POU6F1: variants seen among roughly 807,000 people sequenced by gnomAD.
POU6F1 encodes POU domain, class 6, transcription factor 1.
Under a neutral mutation model 28.9 loss-of-function variants are expected in POU6F1, and 9 were observed. The ratio of observed to expected loss-of-function variants is 0.31; its 90% CI spans 0.19 to 0.54. The LOEUF is 0.54. Ranked by LOEUF, POU6F1 falls within the 20% of genes least tolerant of loss-of-function variation. The probability of loss-of-function intolerance (pLI) is 0.94; values close to 1 mark genes in which losing one functional copy is unlikely to be tolerated. For synonymous variants in POU6F1, 173 were observed against 171.1 expected, an observed-to-expected ratio of 1.01 and a Z score of -0.09; for missense variants, 338 against 426.1, an observed-to-expected ratio of 0.79 and a Z score of 1.82.
rs979993075 is a variant in POU6F1 at position 51,199,715 on chromosome 12, C to T, written c.366+32G>A. 153 of 399,186 alleles carry T rather than the reference C, an allele frequency of 3.8e-4. No individual in the cohort carries two copies. In the East Asian group the frequency reaches 5.3e-3, roughly 14 times the overall value. 24.7% of individuals were successfully genotyped at this position (399,186 alleles called of 1,614,324 possible). On this transcript the variant is annotated intron_variant, in intron 4 of 10. Transcript: ENST00000333640. This position sits in a 1 kb window ranked among gnomAD's most constrained non-coding sequence, Gnocchi z 4.1. ...TCCCATGCCTCGCTCCTGCCCCCGG[C>T]CTTCTGTCCAGCTCCCGAGGGCAGC... is the stretch of plus-strand genomic sequence containing the variant.
At position 51,198,592 on chromosome 12, in the gene POU6F1, G is replaced by C. The variant is rs1248774348; in HGVS notation, c.550C>G (p.Pro184Ala). 5 of 399,280 alleles carry C rather than the reference G, an allele frequency of 1.3e-5. No homozygotes were observed. Among genetic ancestry groups the C allele is most frequent in the Admixed American group, 4.4e-5 (1 of 22,742 alleles). The allele number at this position is 399,280 out of a possible 1,614,324, so 24.7% of individuals were successfully genotyped here. A position where few individuals can be genotyped will look rare whatever the true frequency, so the allele number is the denominator to read the frequency against. The stretch of plus-strand genomic sequence containing the variant: ...GGTGGCTTGAACACTCCCCCCGTAG[G>C]AGAAGCAGCGGTCAGTCCTGGGAGG... ...AALPGLTAAS[P>A]TGGVFKPPLA... is the part of the protein sequence containing the mutation. The change falls in exon 5 of 11, where the codon CCT (proline) becomes GCT (alanine). Residue 184 changes from proline to alanine, a missense_variant. Physicochemically the swap from Pro to Ala is conservative, Grantham distance 27. Transcript: ENST00000333640.
chr12:51,190,399 A>T lies in POU6F1; in HGVS notation c.1684T>A (p.Tyr562Asn). 1 of 1,614,076 alleles carries T rather than the reference A, an allele frequency of 6.2e-7. No individual in the cohort carries two copies. The highest frequency in any genetic ancestry group is 8.5e-7 in the Non-Finnish European group (1 of 1,180,018). ...TPQAIEALNA[Y>N]FEKNPLPTGQ... is the part of the protein sequence containing the mutation. ...GTGGGCAGTGGGTTCTTCTCAAAAT[A>T]GGCATTGAGAGCCTCTATGGCCTGG... is the stretch of plus-strand genomic sequence containing the variant. Residue 562 changes from tyrosine (Y) to asparagine (N), a missense_variant, in exon 11 of 11, where the codon TAT (tyrosine) becomes AAT (asparagine). This residue lies in a region of POU6F1 where 126 missense variants were observed against 176.5 expected (regional missense o/e 0.71). Coordinates refer to ENST00000333640, the MANE Select transcript of POU6F1 (RefSeq NM_001330422.2). This position sits in a 1 kb window ranked among gnomAD's most constrained non-coding sequence, Gnocchi z 4.5.
Position 51,192,468 on chromosome 12 carries a change from G to C in POU6F1, c.1183C>G (p.Gln395Glu). Residue 395 changes from glutamine (Q) to glutamate (E), a missense_variant, in exon 9 of 11, where the codon CAG (glutamine) becomes GAG (glutamate). By Grantham distance (29) the Gln-to-Glu change is conservative. Around this residue, in one of 3 missense-constraint regions of POU6F1, gnomAD observed 206 missense variants for 225.6 expected, o/e 0.91. Transcript: ENST00000333640. ...ACGGTTGGTGTGGGCTGGATGGGCT[G>C]CACCTGTGAAAGGACAGACAACAAG... ...TPESPAKSEV[Q>E]PIQPTPTVPQ... The C allele has an allele frequency of 3.1e-6, 5 of 1,612,842 alleles. No homozygotes were observed. The highest frequency in any genetic ancestry group is 4.2e-6 in the Non-Finnish European group (5 of 1,179,868).
In POU6F1 at chr12:51,205,847, C is replaced by T. The variant is rs1234068887; in HGVS notation, c.48+942G>A. ...TTTTTTTTTTTTTTGTAGACAGAGTCTCGCCCTGTCACCCAGGCTGGAGTT... is the reference window on the plus strand; with the variant it reads ...TTTTTTTTTTTTTTGTAGACAGAGTTTCGCCCTGTCACCCAGGCTGGAGTT... On this transcript the variant is annotated intron_variant, in intron 2 of 10. Coordinates refer to ENST00000333640, the MANE Select transcript of POU6F1 (RefSeq NM_001330422.2). Among the ~76,000 whole-genome samples, 3 of 140,706 alleles carry T rather than the reference C, an allele frequency of 2.1e-5. No homozygotes were observed. The Admixed American group carries it at 2.3e-4, about 11-fold the overall frequency. 92.3% of individuals were successfully genotyped at this position (140,706 alleles called of 152,430 possible).
At chr12:51,209,148 C>T (rs1943823000) in intron 1 of POU6F1, among the ~76,000 whole-genome samples, 1 of 152,216 alleles carries the variant, frequency 6.6e-6, no homozygotes, top group Non-Finnish European at 1.5e-5. Flanking sequence ...ACATCCCATA[C>T]AATTAACCAT....
chr12:51,195,649 G>A (rs1437251609), intron 8 of POU6F1, among the ~76,000 whole-genome samples: 1 of 152,120 alleles, frequency 6.6e-6, no homozygotes, highest in Non-Finnish European at 1.5e-5. Context: ...CAGGAAGTTT[G>A]TTCACCCTAA....
Position 51,187,916 on chromosome 12 carries a change from A to G in POU6F1, c.*2331T>C, listed in dbSNP as rs1323057063. 1 of 152,200 alleles carries G rather than the reference A, an allele frequency of 6.6e-6. No homozygotes were observed. The highest frequency in any genetic ancestry group is 6.5e-5 in the Admixed American group (1 of 15,276). The allele number at this position is 152,200 out of a possible 1,614,324, so 9.4% of individuals were successfully genotyped here. ...CATACCTGAATGCAAGCGTCTGAGC[A>G]TGAAAACCTGCATCGCCATAAGTTT... is the stretch of plus-strand genomic sequence containing the variant. On this transcript the variant is annotated 3_prime_UTR_variant, in exon 11 of 11. Transcript: ENST00000333640.
Position 51,190,230 on chromosome 12 carries a change from G to A in POU6F1, c.*17C>T. The A allele has an allele frequency of 1.5e-5, 24 of 1,611,890 alleles. No individual in the cohort carries two copies. The highest frequency in any genetic ancestry group is 2.0e-5 in the Non-Finnish European group (24 of 1,178,664). On this transcript the variant is annotated 3_prime_UTR_variant, in exon 11 of 11. Coordinates refer to ENST00000333640, the MANE Select transcript of POU6F1 (RefSeq NM_001330422.2). This position sits in a 1 kb window ranked among gnomAD's most constrained non-coding sequence, Gnocchi z 4.5. ...GAAATGGACAAAGTGCTAGAACACA[G>A]GGCCAGGGGCTGAGCCCTAAGGGAT... is the stretch of plus-strand genomic sequence containing the variant.
At chr12:51,191,816 T>A (rs10735831) in intron 9 of POU6F1, 52 bp from the exon 10 acceptor site, 74 of 1,600,234 alleles carry the variant, frequency 4.6e-5, no homozygotes, top group Non-Finnish European at 5.7e-5. Context: ...GAACCATCCC[T>A]GCTTATCTGG....
In POU6F1 at chr12:51,198,613, G is replaced by C. The variant is rs752199228; in HGVS notation, c.529C>G (p.Pro177Ala). The C allele has an allele frequency of 1.5e-5, 6 of 399,238 alleles. No homozygotes were observed. Among genetic ancestry groups the C allele is most frequent in the Non-Finnish European group, 2.2e-5 (5 of 226,340 alleles). The allele number at this position is 399,238 out of a possible 1,614,324, so 24.7% of individuals were successfully genotyped here. A position where few individuals can be genotyped will look rare whatever the true frequency, so the allele number is the denominator to read the frequency against. The change falls in exon 5 of 11, where the codon CCA becomes GCA. Residue 177 changes from proline to alanine, a missense_variant. Transcript: ENST00000333640. ...TIPTATVAAL[P>A]GLTAASPTGG... is the part of the protein sequence containing the mutation. ...GTAGGAGAAGCAGCGGTCAGTCCTGGGAGGGCAGCCACAGTTGCTGTAGGA... is the reference window on the plus strand; with the variant it reads ...GTAGGAGAAGCAGCGGTCAGTCCTGCGAGGGCAGCCACAGTTGCTGTAGGA...
Position 51,199,696 on chromosome 12 carries a change from G to GCC in POU6F1, c.366+49_366+50dup. 2.5e-6 allele frequency: 1 copy of GCC among 399,088 alleles called. No individual in the cohort carries two copies. The highest frequency in any genetic ancestry group is 3.6e-5 in the East Asian group (1 of 28,064). The allele number at this position is 399,088 out of a possible 1,614,324, so 24.7% of individuals were successfully genotyped here. On this transcript the variant is annotated intron_variant, in intron 4 of 10. Coordinates refer to ENST00000333640, the MANE Select transcript of POU6F1 (RefSeq NM_001330422.2). The surrounding 1 kb of genome is among the most constrained non-coding windows in gnomAD (Gnocchi z 4.1). ...GGCTTCCCCATGCTGGCTGTCCCAT[G>GCC]CCTCGCTCCTGCCCCCGGCCTTCTG...
intron 8 of POU6F1, among the ~76,000 whole-genome samples, chr12:51,193,573 A>G (rs1184706048): frequency 1.3e-5 from 2 of 152,152 alleles, no homozygotes; most frequent in African/African-American, 4.8e-5. Context: ...GTGAGACTCC[A>G]TCTCAAGAAA....
chr12:51,215,816 C>T (rs6580809), intron 1 of POU6F1, among the ~76,000 whole-genome samples: 85,912 of 151,860 alleles, frequency 0.57, 25,212 homozygotes, highest in Non-Finnish European at 0.66. Context: ...TATAAGCCTC[C>T]GTTTCCTTAT....
In POU6F1 at chr12:51,190,736, T is replaced by A; in HGVS notation, c.1491-144A>T. The A allele has an allele frequency of 7.7e-7, 1 of 1,297,164 alleles. No homozygotes were observed. The allele number at this position is 1,297,164 out of a possible 1,614,324, so 80.4% of individuals were successfully genotyped here. ...TGTACCCAGTGCTCCCCTCACCACCTCCACCAAGACCCCTCTAGTTTGGCC... is the reference window on the plus strand; with the variant it reads ...TGTACCCAGTGCTCCCCTCACCACCACCACCAAGACCCCTCTAGTTTGGCC... On this transcript the variant is annotated intron_variant, in intron 10 of 10. Transcript: ENST00000333640. This position sits in a 1 kb window ranked among gnomAD's most constrained non-coding sequence, Gnocchi z 4.5.
chr12:51,205,547 G>A (rs973397212), intron 2 of POU6F1, among the ~76,000 whole-genome samples: 3 of 152,226 alleles, frequency 2.0e-5, no homozygotes, highest in Non-Finnish European at 2.9e-5. Flanking sequence ...GGCCATTCAA[G>A]AATCAGAGAC....
intron 8 of POU6F1, 23 bp downstream of exon 8, chr12:51,195,947 C>A: frequency 9.8e-7 from 1 of 1,022,746 alleles, no homozygotes; most frequent in African/African-American, 1.8e-5. Context: ...TGCCCCACCC[C>A]CCACCCCCCC....
chr12:51,205,976 G>A (rs1445920380), intron 2 of POU6F1, among the ~76,000 whole-genome samples: 7 of 149,996 alleles, frequency 4.7e-5, no homozygotes, highest in Middle Eastern at 3.4e-3. Flanking sequence ...CCACCACCAC[G>A]CCCGGCTAAT....
Position 51,196,833 on chromosome 12 carries a change from A to C in POU6F1, c.941T>G (p.Ile314Ser). The change falls in exon 7 of 11, where the codon ATC becomes AGC. Residue 314 changes from isoleucine to serine, a missense_variant. Ile to Ser is a moderately radical substitution (Grantham distance 142). Around this residue, in one of 3 missense-constraint regions of POU6F1, gnomAD observed 206 missense variants for 225.6 expected, o/e 0.91. Transcript: ENST00000333640. ...ITSAIPSMPG[I>S]SSQILTNAQG... ...AGCATTGGTGAGGATCTGACTGCTG[A>C]TCCCTGGCATGCTGGGAATGGCGCT... 6.2e-7 allele frequency: 1 copy of C among 1,613,988 alleles called. No homozygotes were observed.
intron 3 of POU6F1, among the ~76,000 whole-genome samples, chr12:51,203,122 GGAA>G (rs1943337910): frequency 1.3e-5 from 2 of 152,076 alleles, no homozygotes; most frequent in Admixed American, 1.3e-4. Context: ...ACAAACCCCT[GGAA>G]GAAGATGCAC....
Sources: gnomAD v4.1 joint callset for allele counts (sites outside exome capture counted in the v4.1 genomes callset) on GRCh38, gnomAD v4.1.1 for gene constraint, gnomAD v4.1.1 regional missense constraint, Gnocchi (gnomAD v3.1) non-coding constraint, MANE v1.5 for transcripts, NCBI Gene and HGNC (gene_info 2026-07-23, HGNC 2026-07-21) for gene names.